Variants in LPAR1 observed in about 807,000 individuals in gnomAD.
LPAR1 encodes the protein lysophosphatidic acid receptor 1, also known as LPA receptor 1.
Under a neutral mutation model 23.8 loss-of-function variants are expected in LPAR1, and 5 were observed. The observed-to-expected ratio is 0.21, with a 90% CI of 0.11 to 0.44. The LOEUF (loss-of-function observed/expected upper bound fraction) is 0.44. Among genes scored for constraint, LPAR1 ranks in the 20% least tolerant of loss-of-function variants. The probability of loss-of-function intolerance (pLI) is 0.99; values close to 1 mark genes in which losing one functional copy is unlikely to be tolerated. For synonymous variants in LPAR1, 160 were observed against 164.7 expected (o/e 0.97, Z 0.22); for missense variants, 311 against 482.8 (o/e 0.64, Z 3.33).
chr9:110,969,109 G>C (rs2096321807), intron 4 of LPAR1, among the ~76,000 whole-genome samples: 1 of 151,996 alleles, frequency 6.6e-6, no homozygotes, highest in African/African-American at 2.4e-5. Flanking sequence ...TTTCTAATGA[G>C]AAAAAACTAA....
At chr9:110,970,415 C>A (rs886332011) in intron 4 of LPAR1, among the ~76,000 whole-genome samples, 5 of 152,082 alleles carry the variant, frequency 3.3e-5, no homozygotes, top group African/African-American at 1.2e-4. Flanking sequence ...ACCAAACACC[C>A]AAAGTAAATG....
chr9:110,922,721 A>T (rs1280225266), intron 5 of LPAR1, among the ~76,000 whole-genome samples: 1 of 151,846 alleles, frequency 6.6e-6, no homozygotes, highest in Non-Finnish European at 1.5e-5. Flanking sequence ...CTGAACTGAG[A>T]CGTCATGGGA....
chr9:110,938,169 G>A (rs2094849978), intron 5 of LPAR1, among the ~76,000 whole-genome samples: 1 of 152,144 alleles, frequency 6.6e-6, no homozygotes, highest in Non-Finnish European at 1.5e-5. Flanking sequence ...TTACAATCCT[G>A]CCTGCCCTCA....
intron 2 of LPAR1, among the ~76,000 whole-genome samples, chr9:111,002,782 A>T (rs2097151803): frequency 6.6e-6 from 1 of 152,206 alleles, no homozygotes; most frequent in South Asian, 2.1e-4. Flanking sequence ...GAATGCAAGA[A>T]CTATGCTCTA....
intron 2 of LPAR1, among the ~76,000 whole-genome samples, chr9:111,020,168 C>T (rs2097536726): frequency 6.6e-6 from 1 of 152,180 alleles, no homozygotes; most frequent in African/African-American, 2.4e-5. Flanking sequence ...GGGGTTAGGG[C>T]TCCAACATGA....
intron 5 of LPAR1, among the ~76,000 whole-genome samples, chr9:110,902,711 C>T (rs997496511): frequency 6.6e-6 from 1 of 152,156 alleles, no homozygotes; most frequent in Non-Finnish European, 1.5e-5. Context: ...CAGCAGGTGG[C>T]TTGCAGCACT....
At chr9:110,987,588 T>C (rs1052485463) in intron 2 of LPAR1, among the ~76,000 whole-genome samples, 2 of 151,632 alleles carry the variant, frequency 1.3e-5, no homozygotes, top group Non-Finnish European at 2.9e-5. Flanking sequence ...TCTCCTGTCT[T>C]GATAAATCAG....
chr9:111,012,780 T>G (rs140132627), intron 2 of LPAR1, among the ~76,000 whole-genome samples: 5 of 151,746 alleles, frequency 3.3e-5, no homozygotes, highest in African/African-American at 1.2e-4. Flanking sequence ...AACTGTTCAA[T>G]TGAGAGAAAT....
At chr9:110,942,830 T>C (rs547779154) in intron 4 of LPAR1, among the ~76,000 whole-genome samples, 24 of 152,254 alleles carry the variant, frequency 1.6e-4, no homozygotes, top group Admixed American at 2.6e-4. Flanking sequence ...TTTGAGAATT[T>C]TTTTTCTTTT....
At chr9:111,030,695 C>G (rs1469132047) in intron 2 of LPAR1, among the ~76,000 whole-genome samples, 1 of 152,184 alleles carries the variant, frequency 6.6e-6, no homozygotes, top group African/African-American at 2.4e-5. Context: ...TTGGTTGTCA[C>G]ACAGCTGGAA....
At chr9:110,999,760 G>T (rs1435837031) in intron 2 of LPAR1, among the ~76,000 whole-genome samples, 1 of 152,038 alleles carries the variant, frequency 6.6e-6, no homozygotes, top group Non-Finnish European at 1.5e-5. Context: ...ACCCAGGCTG[G>T]AGTGGCGCGA....
chr9:110,919,136 C>A (rs1034786441), intron 5 of LPAR1, among the ~76,000 whole-genome samples: 3 of 152,122 alleles, frequency 2.0e-5, no homozygotes, highest in Non-Finnish European at 4.4e-5. Context: ...AGGGAGATTA[C>A]CCTGGGTCAG....
rs189409837 is a variant in LPAR1 at position 110,879,018 on chromosome 9, G to A, written c.794-3296C>T. Among the ~76,000 whole-genome samples the A allele has an allele frequency of 2.0e-4, 31 of 152,276 alleles. No homozygotes were observed. The East Asian group carries it at 5.8e-3, about 28-fold the overall frequency. On this transcript the variant is annotated intron_variant, in intron 5 of 5. Transcript: ENST00000683809. ...GATGGGGAATGAAATATAGTACTCA[G>A]TAGTCATAGTGCTTTGAGTAGTTTG... is the stretch of plus-strand genomic sequence containing the variant.
At chr9:110,909,969 A>G (rs2092160409) in intron 5 of LPAR1, among the ~76,000 whole-genome samples, 1 of 152,008 alleles carries the variant, frequency 6.6e-6, no homozygotes, top group South Asian at 2.1e-4. Context: ...GGCTGGTCTC[A>G]AACTCCTAAG....
intron 5 of LPAR1, among the ~76,000 whole-genome samples, chr9:110,877,436 G>A (rs2079409673): frequency 1.3e-5 from 2 of 152,120 alleles, no homozygotes; most frequent in South Asian, 4.1e-4. Context: ...GGAGCAATTT[G>A]AACTTCAATA....
chr9:111,018,620 T>A (rs2097501525), intron 2 of LPAR1, among the ~76,000 whole-genome samples: 1 of 152,224 alleles, frequency 6.6e-6, no homozygotes, highest in African/African-American at 2.4e-5. Flanking sequence ...ACAATGGCTA[T>A]CTCTAGGTGG....
At chr9:110,917,829 T>A (rs1193303513) in intron 5 of LPAR1, among the ~76,000 whole-genome samples, 2 of 152,174 alleles carry the variant, frequency 1.3e-5, no homozygotes, top group Non-Finnish European at 2.9e-5. Flanking sequence ...GATTTCTTTT[T>A]CCCTTTCCCT....
At chr9:111,031,426 AAAAG>A (rs1032168806) in intron 2 of LPAR1, among the ~76,000 whole-genome samples, 3 of 151,272 alleles carry the variant, frequency 2.0e-5, no homozygotes, top group Non-Finnish European at 4.4e-5. Flanking sequence ...AAAGAAAAGA[AAAAG>A]AAAGAAGAAG....
chr9:110,993,764 G>A (rs760040559), intron 2 of LPAR1, among the ~76,000 whole-genome samples: 21 of 152,142 alleles, frequency 1.4e-4, no homozygotes, highest in Admixed American at 3.9e-4. Context: ...AGGCTCCTTG[G>A]AGATATGCCT....
Sources: gnomAD v4.1 joint callset for allele counts (sites outside exome capture counted in the v4.1 genomes callset) on GRCh38, gnomAD v4.1.1 for gene constraint, MANE v1.5 for transcripts, NCBI Gene and HGNC (gene_info 2026-07-23, HGNC 2026-07-21) for gene names.